The following UBXN7 variants were observed in gnomAD, a reference collection of about 807,000 sequenced individuals.
The protein encoded by UBXN7 is UBX domain-containing protein 7.
In UBXN7, 9 loss-of-function variants were observed where a neutral mutation model predicts 58.0. The ratio of observed to expected loss-of-function variants is 0.16; its 90% confidence interval spans 0.09 to 0.27. UBXN7 has a LOEUF of 0.27. Ranked by LOEUF, UBXN7 falls within the 10% of genes least tolerant of loss-of-function variation. The pLI, the probability that UBXN7 is intolerant of heterozygous loss-of-function variation, is 1.00. For synonymous variants in UBXN7, 208 were observed against 205.0 expected, an observed-to-expected ratio of 1.01 and a Z score of -0.12; for missense variants, 328 against 599.6, an observed-to-expected ratio of 0.55 and a Z score of 4.73.
At chr3:196,419,838 C>T (rs1347440587) in intron 1 of UBXN7, among the ~76,000 whole-genome samples, 1 of 152,154 alleles carries the variant, frequency 6.6e-6, no homozygotes, top group African/African-American at 2.4e-5. Flanking sequence ...TGTTAAACCA[C>T]TCAATTTGCG....
intron 1 of UBXN7, among the ~76,000 whole-genome samples, chr3:196,413,755 T>TC (rs1257836181): frequency 6.6e-6 from 1 of 152,124 alleles, no homozygotes; most frequent in African/African-American, 2.4e-5. Context: ...CCCTCCAGTA[T>TC]CCATGGGGCA....
chr3:196,367,255 A>G (rs1254641616), intron 8 of UBXN7, among the ~76,000 whole-genome samples: 1 of 152,130 alleles, frequency 6.6e-6, no homozygotes, highest in African/African-American at 2.4e-5. Context: ...CCAAACAGCC[A>G]TGAAAACCAA....
At chr3:196,373,439 G>A (rs1728900371) in intron 5 of UBXN7, among the ~76,000 whole-genome samples, 2 of 152,300 alleles carry the variant, frequency 1.3e-5, no homozygotes, top group South Asian at 4.1e-4. Context: ...ATAAGCAAAT[G>A]CTGCCTCAAA....
chr3:196,364,988 A>G (rs999213661), intron 8 of UBXN7, among the ~76,000 whole-genome samples: 1 of 152,186 alleles, frequency 6.6e-6, no homozygotes, highest in Non-Finnish European at 1.5e-5. Context: ...CACATATAGC[A>G]TGTAGCTCGA....
chr3:196,361,733 T>G, intron 10 of UBXN7, 111 bp downstream of exon 10: 1 of 906,146 alleles, frequency 1.1e-6, no homozygotes, highest in Non-Finnish European at 1.7e-6. Context: ...GCACACTTAA[T>G]AGACTATGGA....
chr3:196,370,956 G>A (rs1728816255), intron 6 of UBXN7, among the ~76,000 whole-genome samples: 1 of 151,954 alleles, frequency 6.6e-6, no homozygotes. Context: ...TTGAGCCCAG[G>A]AGGTCAAGGC....
intron 5 of UBXN7, among the ~76,000 whole-genome samples, chr3:196,386,774 T>C (rs1462086389): frequency 6.6e-6 from 1 of 152,066 alleles, no homozygotes; most frequent in African/African-American, 2.4e-5. Context: ...TACCTGAAAA[T>C]GGCCATATTG....
Position 196,352,623 on chromosome 3 carries a change from A to G in UBXN7, c.*4062T>C, listed in dbSNP as rs1728242613. 1 of 152,234 alleles carries G rather than the reference A, an allele frequency of 6.6e-6. No individual in the cohort carries two copies. Among genetic ancestry groups the G allele is most frequent in the East Asian group, 1.9e-4 (1 of 5,192 alleles). 9.4% of individuals were successfully genotyped at this position (152,234 alleles called of 1,614,324 possible). A position where few individuals can be genotyped will look rare whatever the true frequency, so the allele number is the denominator to read the frequency against. ...TAGCTAATTGTTGACTTGTAAGTCA[A>G]GGAAGTAGAATTATATACAAGATTT... is the stretch of plus-strand genomic sequence containing the variant. On this transcript the variant is annotated 3_prime_UTR_variant, in exon 11 of 11. Coordinates refer to ENST00000296328, the MANE Select transcript of UBXN7 (RefSeq NM_015562.2). This position sits in a 1 kb window ranked among gnomAD's most constrained non-coding sequence, Gnocchi z 4.1.
intron 5 of UBXN7, among the ~76,000 whole-genome samples, chr3:196,372,343 CTTT>C (rs894793736): frequency 2.8e-5 from 3 of 107,522 alleles, no homozygotes; most frequent in Admixed American, 9.3e-5. Context: ...TTCTTTCTTT[CTTT>C]TTTTTTTTTT....
intron 10 of UBXN7, among the ~76,000 whole-genome samples, chr3:196,357,266 G>T (rs1728375550): frequency 6.6e-6 from 1 of 152,054 alleles, no homozygotes; most frequent in Non-Finnish European, 1.5e-5. Flanking sequence ...TCAGAAACTG[G>T]ACCATTCCCA....
intron 1 of UBXN7, among the ~76,000 whole-genome samples, chr3:196,412,089 C>T (rs565403917): frequency 3.7e-4 from 56 of 151,152 alleles, no homozygotes; most frequent in East Asian, 3.9e-4. Flanking sequence ...ATCAGCCAGG[C>T]GTGGTGGCAG....
chr3:196,404,700 G>A (rs1730105732), intron 2 of UBXN7, among the ~76,000 whole-genome samples: 1 of 152,128 alleles, frequency 6.6e-6, no homozygotes, highest in South Asian at 2.1e-4. Context: ...TGTAATCAAA[G>A]AACAACCAGT....
intron 5 of UBXN7, among the ~76,000 whole-genome samples, chr3:196,389,524 C>T (rs562176043): frequency 1.4e-4 from 21 of 152,196 alleles, no homozygotes; most frequent in African/African-American, 4.8e-4. Flanking sequence ...AAATGTAATC[C>T]CCAGTGTTGG....
intron 5 of UBXN7, among the ~76,000 whole-genome samples, chr3:196,380,138 T>A (rs1238044756): frequency 2.0e-5 from 3 of 151,896 alleles, no homozygotes; most frequent in Non-Finnish European, 4.4e-5. Flanking sequence ...TGGTCCCAGC[T>A]ACTCAGGAGG....
At chr3:196,384,236 C>A (rs1392010823) in intron 5 of UBXN7, among the ~76,000 whole-genome samples, 1 of 152,120 alleles carries the variant, frequency 6.6e-6, no homozygotes, top group Non-Finnish European at 1.5e-5. Flanking sequence ...TACACCCTCC[C>A]AAGACTAAAC....
intron 4 of UBXN7, among the ~76,000 whole-genome samples, chr3:196,392,711 G>C (rs1326177502): frequency 6.6e-6 from 1 of 152,050 alleles, no homozygotes; most frequent in East Asian, 1.9e-4. Flanking sequence ...GCTGAGGCAG[G>C]AGAATCGTTT....
chr3:196,427,782 A>C (rs1037557825), intron 1 of UBXN7, among the ~76,000 whole-genome samples: 1 of 152,244 alleles, frequency 6.6e-6, no homozygotes, highest in African/African-American at 2.4e-5. Context: ...ATGTGGAATG[A>C]CTATAAAAGT....
chr3:196,377,964 T>C (rs923212960), intron 5 of UBXN7, among the ~76,000 whole-genome samples: 4 of 152,208 alleles, frequency 2.6e-5, no homozygotes, highest in African/African-American at 9.6e-5. Context: ...CATGAGCCAC[T>C]GCATCCAGCT....
At chr3:196,399,693 G>A (rs1387845791) in intron 3 of UBXN7, among the ~76,000 whole-genome samples, 1 of 152,110 alleles carries the variant, frequency 6.6e-6, no homozygotes, top group African/African-American at 2.4e-5. Context: ...GTTCAACTGT[G>A]GCCTCCCAAA....
Sources: gnomAD v4.1 joint callset for allele counts (sites outside exome capture counted in the v4.1 genomes callset) on GRCh38, gnomAD v4.1.1 for gene constraint, Gnocchi (gnomAD v3.1) non-coding constraint, MANE v1.5 for transcripts, NCBI Gene and HGNC (gene_info 2026-07-23, HGNC 2026-07-21) for gene names.